Variants in CMSS1 observed in about 807,000 individuals in gnomAD.
The protein encoded by CMSS1 is cms1 ribosomal small subunit homolog.
CMSS1 carries 33 observed loss-of-function variants against 43.5 expected under a neutral mutation model. That is an observed-to-expected ratio of 0.76 (90% confidence interval 0.57 to 1.01). The LOEUF (loss-of-function observed/expected upper bound fraction) is 1.01. Among genes scored for constraint, CMSS1 ranks in the 50% least tolerant of loss-of-function variants. The pLI is 0.00. For missense variants in CMSS1, 313 were observed against 326.4 expected (o/e 0.96, Z 0.32); for synonymous variants, 115 against 117.2 (o/e 0.98, Z 0.12).
intron 1 of CMSS1, among the ~76,000 whole-genome samples, chr3:99,942,085 T>C (rs1707867367): frequency 1.3e-5 from 2 of 151,856 alleles, no homozygotes; most frequent in Admixed American, 1.3e-4. Context: ...GGCATGGTGG[T>C]GGGCGCCTGT....
intron 1 of CMSS1, among the ~76,000 whole-genome samples, chr3:100,131,368 C>T (rs9854260): frequency 0.16 from 23,776 of 152,176 alleles, 2,260 homozygotes; most frequent in South Asian, 0.22. Flanking sequence ...ATGTCTACCA[C>T]GGGCAATACA....
intron 1 of CMSS1, among the ~76,000 whole-genome samples, chr3:99,912,427 A>C (rs971921514): frequency 6.6e-6 from 1 of 152,070 alleles, no homozygotes; most frequent in Non-Finnish European, 1.5e-5. Context: ...CCCAGGCTGG[A>C]GTATAATGGC....
At chr3:100,074,022 G>C (rs1351698643) in intron 1 of CMSS1, among the ~76,000 whole-genome samples, 1 of 152,098 alleles carries the variant, frequency 6.6e-6, no homozygotes, top group African/African-American at 2.4e-5. Context: ...GTAAAAGCAA[G>C]TCGTCTTCTA....
chr3:99,827,075 C>G (rs1434767058), intron 1 of CMSS1, among the ~76,000 whole-genome samples: 1 of 152,164 alleles, frequency 6.6e-6, no homozygotes, highest in East Asian at 1.9e-4. Flanking sequence ...CTGTTTTGAA[C>G]TCCAAATAGT....
intron 1 of CMSS1, among the ~76,000 whole-genome samples, chr3:99,940,453 TC>T (rs1337280294): frequency 1.3e-5 from 2 of 152,202 alleles, no homozygotes; most frequent in Non-Finnish European, 2.9e-5. Flanking sequence ...TGAATTTTTG[TC>T]CGTTTGGACC....
chr3:100,079,701 A>G (rs2065902200), intron 1 of CMSS1, among the ~76,000 whole-genome samples: 1 of 152,142 alleles, frequency 6.6e-6, no homozygotes, highest in Non-Finnish European at 1.5e-5. Context: ...AATGCCCCAA[A>G]CATTAGGTAC....
intron 1 of CMSS1, among the ~76,000 whole-genome samples, chr3:99,916,500 G>T (rs1020756999): frequency 4.7e-5 from 7 of 148,586 alleles, no homozygotes; most frequent in Non-Finnish European, 7.4e-5. Flanking sequence ...TGTTTCTCTG[G>T]AGGACCCTGA....
chr3:100,170,977 G>C (rs1489384773), intron 6 of CMSS1, among the ~76,000 whole-genome samples: 1 of 152,070 alleles, frequency 6.6e-6, no homozygotes, highest in Non-Finnish European at 1.5e-5. Flanking sequence ...TAGATTTCTG[G>C]CTTCTCTAAA....
intron 1 of CMSS1, among the ~76,000 whole-genome samples, chr3:100,018,969 G>A (rs1710424843): frequency 6.6e-6 from 1 of 152,072 alleles, no homozygotes; most frequent in African/African-American, 2.4e-5. Context: ...AATCATCAAG[G>A]AAATATAAAT....
chr3:99,851,148 T>C (rs1351890433), intron 1 of CMSS1: 1 of 1,168,362 alleles, frequency 8.6e-7, no homozygotes, highest in Non-Finnish European at 1.2e-6. Context: ...ATATATGTAA[T>C]TTAGAAATTA....
At chr3:100,046,562 T>C (rs1377814617) in intron 1 of CMSS1, among the ~76,000 whole-genome samples, 1 of 152,150 alleles carries the variant, frequency 6.6e-6, no homozygotes, top group African/African-American at 2.4e-5. Flanking sequence ...GTTGTTACAA[T>C]TGGTTGTTGT....
intron 1 of CMSS1, among the ~76,000 whole-genome samples, chr3:99,921,956 C>T (rs1263483010): frequency 6.6e-6 from 1 of 152,264 alleles, no homozygotes; most frequent in East Asian, 1.9e-4. Context: ...TCCCAACATT[C>T]CAGTATAACT....
At chr3:100,076,097 G>A (rs888141937) in intron 1 of CMSS1, among the ~76,000 whole-genome samples, 1 of 152,038 alleles carries the variant, frequency 6.6e-6, no homozygotes, top group African/African-American at 2.4e-5. Context: ...GAAACTCACT[G>A]TTTCATCTGC....
chr3:99,921,983 C>T (rs1450632928), intron 1 of CMSS1, among the ~76,000 whole-genome samples: 1 of 152,170 alleles, frequency 6.6e-6, no homozygotes, highest in Non-Finnish European at 1.5e-5. Flanking sequence ...TAGCCCTCTC[C>T]AGCCTTCCTC....
intron 1 of CMSS1, among the ~76,000 whole-genome samples, chr3:100,000,676 T>C (rs538925031): frequency 6.6e-6 from 1 of 152,302 alleles, no homozygotes; most frequent in Admixed American, 6.5e-5. Context: ...GATTGTGCTA[T>C]TGCACTCCAA....
intron 1 of CMSS1, among the ~76,000 whole-genome samples, chr3:100,137,893 T>C (rs1206971595): frequency 1.3e-5 from 2 of 152,074 alleles, no homozygotes; most frequent in African/African-American, 4.8e-5. Context: ...AAACACAAGT[T>C]TATGACCATA....
chr3:100,037,429 A>G (rs952510719), intron 1 of CMSS1, among the ~76,000 whole-genome samples: 1 of 152,152 alleles, frequency 6.6e-6, no homozygotes, highest in Non-Finnish European at 1.5e-5. Flanking sequence ...AAATTTAACA[A>G]AAGATTAAAA....
intron 1 of CMSS1, among the ~76,000 whole-genome samples, chr3:99,950,347 G>A: frequency 6.6e-6 from 1 of 152,144 alleles, no homozygotes; most frequent in East Asian, 1.9e-4. Context: ...TAACAATTCT[G>A]TGATGGATGC....
intron 1 of CMSS1, among the ~76,000 whole-genome samples, chr3:100,079,531 T>A (rs2065899880): frequency 6.6e-6 from 1 of 152,192 alleles, no homozygotes; most frequent in Non-Finnish European, 1.5e-5. Flanking sequence ...TATTTTATCA[T>A]GTCAGCAAAA....
Sources: gnomAD v4.1 joint callset for allele counts (sites outside exome capture counted in the v4.1 genomes callset) on GRCh38, gnomAD v4.1.1 for gene constraint, MANE v1.5 for transcripts, NCBI Gene and HGNC (gene_info 2026-07-23, HGNC 2026-07-21) for gene names.